NCOA2: variants seen among roughly 807,000 people sequenced by gnomAD.
The protein encoded by NCOA2 is nuclear receptor coactivator 2, also known as class E basic helix-loop-helix protein 75.
Under a neutral mutation model 145.1 loss-of-function variants are expected in NCOA2, and 21 were observed. The ratio of observed to expected loss-of-function variants is 0.14; its 90% confidence interval spans 0.10 to 0.21. The LOEUF is 0.21. Among genes scored for constraint, NCOA2 ranks in the 10% least tolerant of loss-of-function variants. The probability of loss-of-function intolerance (pLI) is 1.00; values close to 1 mark genes in which losing one functional copy is unlikely to be tolerated. For synonymous variants in NCOA2, 619 were observed against 637.5 expected, an observed-to-expected ratio of 0.97 and a Z score of 0.44; for missense variants, 1,472 against 1,837.6, an observed-to-expected ratio of 0.80 and a Z score of 3.64.
chr8:70,354,172 ATCTTT>A (rs1334241053), intron 1 of NCOA2, among the ~76,000 whole-genome samples: 2 of 152,332 alleles, frequency 1.3e-5, no homozygotes, highest in East Asian at 3.9e-4. Context: ...TGTCATTCTT[ATCTTT>A]TCTTATATCG....
At chr8:70,141,742 C>T (rs1810458897) in intron 13 of NCOA2, among the ~76,000 whole-genome samples, 1 of 152,200 alleles carries the variant, frequency 6.6e-6, no homozygotes, top group Non-Finnish European at 1.5e-5. Flanking sequence ...CAATGCTTTA[C>T]TTTCCAAAAG....
intron 14 of NCOA2, among the ~76,000 whole-genome samples, chr8:70,140,472 A>G (rs1036218026): frequency 6.6e-6 from 1 of 151,754 alleles, no homozygotes; most frequent in Non-Finnish European, 1.5e-5. Flanking sequence ...TGCAACCTTC[A>G]GTGAGGGCCT....
At chr8:70,115,671 T>A (rs1807019535) in intron 22 of NCOA2, among the ~76,000 whole-genome samples, 1 of 152,214 alleles carries the variant, frequency 6.6e-6, no homozygotes, top group Admixed American at 6.5e-5. Flanking sequence ...AAGAGAACCA[T>A]GCTGCTGAGC....
At chr8:70,456,301 A>G in the NCOA2 span, among the ~76,000 whole-genome samples, 1 of 152,182 alleles carries the variant, frequency 6.6e-6, no homozygotes, top group South Asian at 2.1e-4. Flanking sequence ...AATTCGTCAG[A>G]GTGGAAAGAG....
At position 70,113,436 on chromosome 8, in the gene NCOA2, C is replaced by T; in HGVS notation, c.*196G>A. On this transcript the variant is annotated 3_prime_UTR_variant, in exon 23 of 23. Transcript: ENST00000452400. ...CGACTGTCTGGATGCGAGCTTCAGA[C>T]TGTCAAGAGAAGAGGCAGCTCCTCC... is the stretch of plus-strand genomic sequence containing the variant. 1.6e-6 allele frequency: 1 copy of T among 608,622 alleles called. No individual in the cohort carries two copies. Among genetic ancestry groups the T allele is most frequent in the Non-Finnish European group, 2.9e-6 (1 of 341,440 alleles). 37.7% of individuals were successfully genotyped at this position (608,622 alleles called of 1,614,324 possible).
rs961235013 is a variant in NCOA2 at position 70,115,205 on chromosome 8, C to T, written c.4384-1562G>A. Among the ~76,000 whole-genome samples the T allele has an allele frequency of 1.6e-4, 25 of 152,164 alleles. 1 individual carries two copies. In the South Asian group the frequency reaches 2.3e-3, roughly 14 times the overall value. ...CGCTCTTGTTGCCCAGGCTGGAGTTCAATGGTACGATCTCGGCTCACTGCA... is the reference window on the plus strand; with the variant it reads ...CGCTCTTGTTGCCCAGGCTGGAGTTTAATGGTACGATCTCGGCTCACTGCA... On this transcript the variant is annotated intron_variant, in intron 22 of 22. Transcript: ENST00000452400.
At chr8:70,224,979 A>G (rs1820486100) in intron 2 of NCOA2, among the ~76,000 whole-genome samples, 1 of 151,990 alleles carries the variant, frequency 6.6e-6, no homozygotes, top group South Asian at 2.1e-4. Flanking sequence ...CCAGAGTCTC[A>G]GTCTCCACTG....
chr8:70,235,127 A>C (rs1234989208), intron 2 of NCOA2, among the ~76,000 whole-genome samples: 2 of 152,190 alleles, frequency 1.3e-5, no homozygotes, highest in African/African-American at 4.8e-5. Context: ...ATATAATAGA[A>C]TATTATTCAG....
intron 13 of NCOA2, among the ~76,000 whole-genome samples, chr8:70,142,876 G>C (rs1810604068): frequency 1.3e-5 from 2 of 148,470 alleles, no homozygotes; most frequent in South Asian, 2.1e-4. Flanking sequence ...AAGCAAAAAA[G>C]AGAATGATCC....
At chr8:70,149,018 G>C (rs1811437642) in intron 11 of NCOA2, among the ~76,000 whole-genome samples, 1 of 151,634 alleles carries the variant, frequency 6.6e-6, no homozygotes, top group African/African-American at 2.4e-5. Flanking sequence ...GGTGGGGAGA[G>C]AGAAGCAAAA....
intron 1 of NCOA2, among the ~76,000 whole-genome samples, chr8:70,340,229 TAAAC>T (rs1808002339): frequency 1.3e-5 from 2 of 151,886 alleles, no homozygotes; most frequent in Non-Finnish European, 1.5e-5. Flanking sequence ...ACATGGAACT[TAAAC>T]AAATTTATAA....
intron 2 of NCOA2, among the ~76,000 whole-genome samples, chr8:70,296,356 C>A (rs1251595072): frequency 2.0e-5 from 3 of 152,162 alleles, no homozygotes; most frequent in African/African-American, 7.2e-5. Context: ...AGTAACTTTT[C>A]TTTTCTCCTC....
intron 1 of NCOA2, among the ~76,000 whole-genome samples, chr8:70,360,942 CAAAAAAA>C (rs1213854420): frequency 1.8e-5 from 1 of 55,328 alleles, no homozygotes; most frequent in Non-Finnish European, 4.2e-5. Context: ...GATTCCAGCT[CAAAAAAA>C]AAAAAAAAAA....
At chr8:70,437,449 A>G in the NCOA2 span, among the ~76,000 whole-genome samples, 2 of 152,240 alleles carry the variant, frequency 1.3e-5, no homozygotes, top group Non-Finnish European at 2.9e-5. Context: ...TGAATACATG[A>G]ATTAATATGA....
chr8:70,355,187 G>A (rs1427342449), intron 1 of NCOA2, among the ~76,000 whole-genome samples: 5 of 152,218 alleles, frequency 3.3e-5, no homozygotes, highest in Non-Finnish European at 7.3e-5. Flanking sequence ...GATCAGCCAT[G>A]CTCAGTATGA....
rs570883905 is a variant in NCOA2 at position 70,335,987 on chromosome 8, G to T, written c.-76-39187C>A. On this transcript the variant is annotated intron_variant, in intron 1 of 22. Coordinates refer to ENST00000452400, the MANE Select transcript of NCOA2 (RefSeq NM_006540.4). ...TACTGTCTGAAACATTTTTTTTAAG[G>T]TATAGAAGATTTTTAAAAAATTATA... Among the ~76,000 whole-genome samples, 25 of 152,192 alleles carry T rather than the reference G, an allele frequency of 1.6e-4. No individual in the cohort carries two copies. In the South Asian group the frequency reaches 5.2e-3, roughly 32 times the overall value.
upstream of NCOA2, among the ~76,000 whole-genome samples, chr8:70,404,852 T>C (rs1315012555): frequency 1.3e-5 from 2 of 152,176 alleles, no homozygotes; most frequent in Non-Finnish European, 2.9e-5. Context: ...AGCAAGTTTT[T>C]TTTCCAACTT....
intron 4 of NCOA2, among the ~76,000 whole-genome samples, chr8:70,193,419 G>A (rs560878448): frequency 1.2e-3 from 188 of 152,114 alleles, no homozygotes; most frequent in African/African-American, 4.4e-3. Context: ...ATGGAAGTGA[G>A]GGAAAAAAAA....
chr8:70,274,320 A>T (rs1311693369), intron 2 of NCOA2, among the ~76,000 whole-genome samples: 1 of 152,196 alleles, frequency 6.6e-6, no homozygotes. Context: ...GCACCTGAAA[A>T]ATAATTCAGA....
Sources: allele counts gnomAD v4.1 joint callset (sites outside exome capture counted in the v4.1 genomes callset), GRCh38; gene constraint gnomAD v4.1.1; transcripts MANE v1.5; gene names NCBI Gene and HGNC (gene_info 2026-07-23, HGNC 2026-07-21).